Variants in SLC19A1 observed in about 807,000 individuals in gnomAD.
The protein encoded by SLC19A1 is solute carrier family 19 member 1, also known as reduced folate transporter.
A neutral mutation model predicts 35.3 loss-of-function variants in SLC19A1; 37 were observed. The observed-to-expected ratio is 1.05, with a 90% CI of 0.81 to 1.38. The LOEUF is 1.38. SLC19A1 is among the 40% of genes most tolerant of loss of function. The pLI, the probability that SLC19A1 is intolerant of heterozygous loss-of-function variation, is 0.00. For missense variants in SLC19A1, 831 were observed against 826.9 expected, an observed-to-expected ratio of 1.00 and a Z score of -0.06; for synonymous variants, 460 against 398.5, an observed-to-expected ratio of 1.15 and a Z score of -1.84.
intron 1 of SLC19A1, among the ~76,000 whole-genome samples, chr21:45,556,430 C>T (rs774671277): frequency 1.3e-5 from 2 of 152,232 alleles, no homozygotes; most frequent in Admixed American, 1.3e-4. Flanking sequence ...AGCGCCCGGG[C>T]TTGGGTGTTT....
In SLC19A1 at chr21:45,514,820, G is replaced by C. The variant is rs1389447238; in HGVS notation, c.*838C>G. On this transcript the variant is annotated 3_prime_UTR_variant, in exon 6 of 6. Transcript: ENST00000311124. ...GCGCTCCTTAGACCCTGAGGCCGCT[G>C]GGACGTACTTCCCCAGCGCCCACCA... 2 of 563,140 alleles carry C rather than the reference G, an allele frequency of 3.6e-6. No individual in the cohort carries two copies. Among genetic ancestry groups the C allele is most frequent in the Non-Finnish European group, 6.1e-6 (2 of 328,660 alleles). The allele number at this position is 563,140 out of a possible 1,614,324, so 34.9% of individuals were successfully genotyped here. A position where few individuals can be genotyped will look rare whatever the true frequency, so the allele number is the denominator to read the frequency against.
chr21:45,509,037 G>A (rs1314842828), downstream of SLC19A1, among the ~76,000 whole-genome samples: 3 of 152,138 alleles, frequency 2.0e-5, no homozygotes, highest in African/African-American at 7.2e-5. Context: ...GCCGTGTTGA[G>A]GTCAGGGGCC....
chr21:45,505,754 AC>A (rs574978315), intron 3 of SLC19A1: 2 of 1,122,626 alleles, frequency 1.8e-6, no homozygotes, highest in East Asian at 5.1e-5. Context: ...CCTGCCCAGC[AC>A]CCTGAAACGG....
chr21:45,525,282 C>G (rs1044950284), intron 5 of SLC19A1, among the ~76,000 whole-genome samples: 7 of 152,212 alleles, frequency 4.6e-5, no homozygotes, highest in Non-Finnish European at 8.8e-5. Context: ...CACACCACGC[C>G]CACCATGGCT....
At chr21:45,509,293 C>A, downstream of SLC19A1, 3 of 1,532,572 alleles carry the variant, frequency 2.0e-6, no homozygotes, top group Non-Finnish European at 2.6e-6. Flanking sequence ...GAGGAGGACA[C>A]AGATGGAGGA....
chr21:45,523,920 C>T (rs1006284210), intron 5 of SLC19A1, among the ~76,000 whole-genome samples: 3 of 152,208 alleles, frequency 2.0e-5, no homozygotes, highest in Non-Finnish European at 2.9e-5. Context: ...GCCAGCACCC[C>T]GCCCTGGGGC....
At chr21:45,509,407 AACCCCTACCCGCGGCGGGAGCACCCCC>A (rs1413330501), downstream of SLC19A1, 1 of 1,542,568 alleles carries the variant, frequency 6.5e-7, no homozygotes, top group Non-Finnish European at 8.7e-7. Flanking sequence ...GCACGACAGC[AACCCCTACCCGCGGCGGGAGCACCCCC>A]ACCCCACCGC....
intron 3 of SLC19A1, chr21:45,502,743 G>C (rs1212804304): frequency 1.3e-5 from 2 of 152,176 alleles, no homozygotes; most frequent in Admixed American, 6.5e-5. Context: ...AGGGTGGAGG[G>C]ACCCTCAAGT....
chr21:45,506,743 C>T (rs2037225189), intron 3 of SLC19A1: 1 of 145,556 alleles, frequency 6.9e-6, no homozygotes, highest in Non-Finnish European at 1.5e-5. Flanking sequence ...CACCTTCCTT[C>T]TAGAGCCCTC....
At position 45,515,442 on chromosome 21, in the gene SLC19A1, GCA is replaced by G; in HGVS notation, c.*214_*215del. ...CTCTTCCAGCAACAAAGCCCGCGGG[GCA>G]CAGTGCAGGGACAGCATGGCCAGGC... On this transcript the variant is annotated 3_prime_UTR_variant, in exon 6 of 6. Transcript: ENST00000311124. 4 of 1,463,804 alleles carry G rather than the reference GCA, an allele frequency of 2.7e-6. 1 individual carries two copies. In the South Asian group the frequency reaches 5.6e-5, roughly 21 times the overall value. The allele number at this position is 1,463,804 out of a possible 1,614,324, so 90.7% of individuals were successfully genotyped here.
chr21:45,538,365 CATG>C (rs1469348625), intron 1 of SLC19A1, among the ~76,000 whole-genome samples: 1 of 152,272 alleles, frequency 6.6e-6, no homozygotes, highest in Non-Finnish European at 1.5e-5. Flanking sequence ...ACACTAGACT[CATG>C]GCACTGCTGG....
In SLC19A1 at chr21:45,516,128, A is replaced by C. The variant is rs1375741490; in HGVS notation, c.1306T>G (p.Ser436Ala). The change falls in exon 6 of 6, where the codon TCC becomes GCC. Residue 436 changes from serine (S) to alanine (A), a missense_variant. Coordinates refer to ENST00000311124, the MANE Select transcript of SLC19A1 (RefSeq NM_194255.4). Reference protein sequence around the residue: ...LPVRKQFQLYSVYFLILSIIY... With the variant: ...LPVRKQFQLYAVYFLILSIIY... ...ATGGACAGGATCAGGAAGTACACGG[A>C]GTATAACTGGAACTGGAAAGAGAGG... is the stretch of plus-strand genomic sequence containing the variant. The C allele has an allele frequency of 1.2e-6, 2 of 1,602,300 alleles. No individual in the cohort carries two copies. The highest frequency in any genetic ancestry group is 1.3e-5 in the African/African-American group (1 of 74,830).
intron 2 of SLC19A1, among the ~76,000 whole-genome samples, chr21:45,535,153 G>A (rs2078065812): frequency 6.6e-6 from 1 of 152,222 alleles, no homozygotes; most frequent in Admixed American, 6.5e-5. Flanking sequence ...GGACTGCTGT[G>A]CACAGGGTCC....
downstream of SLC19A1, among the ~76,000 whole-genome samples, chr21:45,510,946 C>CCCACACACACACACAT (rs149520091): frequency 1.7e-5 from 1 of 57,382 alleles, no homozygotes; most frequent in Non-Finnish European, 3.1e-5. Context: ...AAAACACACA[C>CCCACACACACACACAT]CCACAACACC....
upstream of SLC19A1, among the ~76,000 whole-genome samples, chr21:45,545,109 C>G (rs2078399772): frequency 6.6e-6 from 1 of 152,208 alleles, no homozygotes; most frequent in South Asian, 2.1e-4. Context: ...ACACACAGAT[C>G]CATGCAGACG....
chr21:45,531,771 C>A lies in SLC19A1; in HGVS notation c.567G>T (p.Ser189=), dbSNP rs371022747. ...CCACGCTGAAGGTGAGGAAGGCCAG[C>A]GAGATGTAGTTGAGCGTGGAGAAGG... The part of the protein sequence containing the change: ...RVSFSTLNYI[S]LAFLTFSVVL... The change falls in exon 3 of 6, where the codon TCG becomes TCT. Residue 189 remains serine, a synonymous_variant. Coordinates refer to ENST00000311124, the MANE Select transcript of SLC19A1 (RefSeq NM_194255.4). 1.5e-5 allele frequency: 24 copies of A among 1,608,186 alleles called. No homozygotes were observed. The highest frequency in any genetic ancestry group is 8.0e-5 in the African/African-American group (6 of 74,812).
At chr21:45,562,310 G>T (rs907249888) in intron 1 of SLC19A1, among the ~76,000 whole-genome samples, 7 of 152,060 alleles carry the variant, frequency 4.6e-5, no homozygotes, top group African/African-American at 1.7e-4. Context: ...GACACCACAC[G>T]CATTCACCAC....
chr21:45,505,446 A>C lies in SLC19A1; in HGVS notation c.498-6834T>G, dbSNP rs1173144623. ...CCTCCTCAGGGGTAAGTGTCTGGGC[A>C]GCCGGCTGGGCACCTGCGTCCCGTG... On this transcript the variant is annotated intron_variant, in intron 3 of 4. Coordinates refer to the SLC19A1 transcript ENST00000417954. 4.8e-6 allele frequency: 7 copies of C among 1,461,502 alleles called. No homozygotes were observed. In the African/African-American group the frequency reaches 8.3e-5, roughly 17 times the overall value. 90.5% of individuals were successfully genotyped at this position (1,461,502 alleles called of 1,614,324 possible).
Position 45,530,101 on chromosome 21 carries a change from G to C in SLC19A1, c.1151+669C>G, listed in dbSNP as rs911682055. Among the ~76,000 whole-genome samples, 4 of 150,682 alleles carry C rather than the reference G, an allele frequency of 2.7e-5. No individual in the cohort carries two copies. Among genetic ancestry groups the C allele is most frequent in the African/African-American group, 9.8e-5 (4 of 40,860 alleles). On this transcript the variant is annotated intron_variant, in intron 4 of 5. Coordinates refer to ENST00000311124, the MANE Select transcript of SLC19A1 (RefSeq NM_194255.4). This position sits in a 1 kb window ranked among gnomAD's most constrained non-coding sequence, Gnocchi z 5.3. ...GTGTGTTCGTGTGTGGTGTGTCTGT[G>C]TGGTGTATCCATCTGTGAGCGTGTG...
Sources: gnomAD v4.1 joint callset for allele counts (sites outside exome capture counted in the v4.1 genomes callset) on GRCh38, gnomAD v4.1.1 for gene constraint, Gnocchi (gnomAD v3.1) non-coding constraint, MANE v1.5 for transcripts, NCBI Gene and HGNC (gene_info 2026-07-23, HGNC 2026-07-21) for gene names.